The following ANKRD42 variants were observed in gnomAD, a reference collection of about 807,000 sequenced individuals.
ANKRD42 encodes ankyrin repeat domain-containing protein 42.
ANKRD42 carries 43 observed loss-of-function variants against 51.5 expected under a neutral mutation model. That is an observed-to-expected ratio of 0.83 (90% confidence interval 0.65 to 1.08). The LOEUF (loss-of-function observed/expected upper bound fraction) is 1.08. Among genes scored for constraint, ANKRD42 ranks in the 50% least tolerant of loss-of-function variants. ANKRD42 has a pLI of 0.00. For missense variants in ANKRD42, 608 were observed against 629.3 expected, an observed-to-expected ratio of 0.97 and a Z score of 0.36; for synonymous variants, 203 against 213.0, an observed-to-expected ratio of 0.95 and a Z score of 0.41.
chr11:83,214,800 A>G (rs1245215147), intron 5 of ANKRD42: 1 of 153,510 alleles, frequency 6.5e-6, no homozygotes, highest in Non-Finnish European at 1.4e-5. Flanking sequence ...CACCCTACTG[A>G]TCTGTCAAAC....
intron 9 of ANKRD42, among the ~76,000 whole-genome samples, chr11:83,243,049 C>G (rs1863440961): frequency 6.6e-6 from 1 of 152,116 alleles, no homozygotes; most frequent in African/African-American, 2.4e-5. Context: ...GAGAAATCGC[C>G]AAACTGCTTT....
chr11:83,242,544 G>A lies in ANKRD42; in HGVS notation c.1195+1610G>A, dbSNP rs145841197. Among the ~76,000 whole-genome samples the A allele has an allele frequency of 2.3e-3, 293 of 126,932 alleles. 4 individuals are homozygous for A. Among genetic ancestry groups the A allele is most frequent in the African/African-American group, 8.0e-3 (290 of 36,440 alleles). The allele number at this position is 126,932 out of a possible 152,430, so 83.3% of individuals were successfully genotyped here. ...CAAGGATGACAGATTTCTGGCCTGG[G>A]GAATTCGGTGAATGGTAGTTAAGTT... On this transcript the variant is annotated intron_variant, in intron 9 of 10. Transcript: ENST00000533342.
intron 7 of ANKRD42, among the ~76,000 whole-genome samples, chr11:83,235,125 T>A (rs1009131662): frequency 5.9e-5 from 9 of 152,238 alleles, no homozygotes; most frequent in Non-Finnish European, 1.3e-4. Flanking sequence ...TGGACCTTAC[T>A]GTTAAAGAGT....
chr11:83,225,591 A>G (rs1276069549), intron 6 of ANKRD42, among the ~76,000 whole-genome samples: 1 of 151,486 alleles, frequency 6.6e-6, no homozygotes, highest in East Asian at 1.9e-4. Context: ...AAAGATTAAC[A>G]TAATGAGCAG....
rs144679817 is a variant in ANKRD42, at chr11:83,247,510, C to T, written c.1323-433C>T. 2.4e-3 allele frequency among the ~76,000 whole-genome samples: 365 copies of T among 152,270 alleles called. 4 individuals carry two copies. Among genetic ancestry groups the T allele is most frequent in the African/African-American group, 8.6e-3 (359 of 41,548 alleles). On this transcript the variant is annotated intron_variant, in intron 10 of 10. Transcript: ENST00000533342. ...CTCTAATGTCTACAGGGTTATCTCT[C>T]TTATTTCCTTCAGGGCTTGGCTTAG...
chr11:83,253,659 A>G (rs989952050), downstream of ANKRD42, among the ~76,000 whole-genome samples: 3 of 152,168 alleles, frequency 2.0e-5, no homozygotes, highest in Non-Finnish European at 2.9e-5. Flanking sequence ...ATACAGTTCT[A>G]TTGAGTTTAG....
intron 3 of ANKRD42, chr11:83,209,282 T>A (rs963609113): frequency 1.5e-6 from 1 of 659,810 alleles, no homozygotes; most frequent in South Asian, 1.8e-5. Context: ...ATATTATAAG[T>A]GTCTTCTAGG....
intron 8 of ANKRD42, among the ~76,000 whole-genome samples, chr11:83,239,941 A>G (rs1468133059): frequency 6.6e-6 from 1 of 152,224 alleles, no homozygotes; most frequent in Non-Finnish European, 1.5e-5. Flanking sequence ...CGTAGACTTA[A>G]TGAATTCTAT....
intron 2 of ANKRD42, among the ~76,000 whole-genome samples, chr11:83,204,943 A>G (rs1862012461): frequency 1.3e-5 from 2 of 152,216 alleles, no homozygotes; most frequent in African/African-American, 4.8e-5. Flanking sequence ...GCAAATGCAA[A>G]TTAAGACCAC....
At chr11:83,201,297 G>A (rs1420625782) in intron 2 of ANKRD42, among the ~76,000 whole-genome samples, 1 of 152,148 alleles carries the variant, frequency 6.6e-6, no homozygotes, top group African/African-American at 2.4e-5. Context: ...GTGGTTTCCA[G>A]CTTCATCCAT....
chr11:83,211,351 T>C lies in ANKRD42; in HGVS notation c.507T>C (p.His169=), dbSNP rs1862308590. The C allele has an allele frequency of 1.9e-6, 3 of 1,614,086 alleles. No individual in the cohort carries two copies. Among genetic ancestry groups the C allele is most frequent in the African/African-American group, 1.3e-5 (1 of 74,928 alleles). ...EWRPVHYAAF[H]GRLGCLQLLV... ...GACCTGTGCATTATGCAGCTTTTCA[T>C]GGGCGGCTTGGCTGCTTGCAACTTC... The change falls in exon 5 of 11, where the codon CAT becomes CAC. Residue 169 remains histidine (H), a synonymous_variant. Transcript: ENST00000533342.
rs182157391 is a variant in ANKRD42 at position 83,239,541 on chromosome 11, C to A, written c.1020-1218C>A. ...TTAGTGTTAGCTTTTATATTGAGGT[C>A]TGTGATCATTTTGAGTTAATTTTTG... On this transcript the variant is annotated intron_variant, in intron 8 of 10. Coordinates refer to ENST00000533342, the MANE Select transcript of ANKRD42 (RefSeq NM_001300975.2). Among the ~76,000 whole-genome samples, 442 of 152,136 alleles carry A rather than the reference C, an allele frequency of 2.9e-3. 2 individuals are homozygous for A. The highest frequency in any genetic ancestry group is 4.9e-3 in the Non-Finnish European group (331 of 67,978).
At chr11:83,215,806 GT>G (rs1039823567) in intron 5 of ANKRD42, among the ~76,000 whole-genome samples, 6 of 151,596 alleles carry the variant, frequency 4.0e-5, no homozygotes, top group Admixed American at 1.3e-4. Context: ...TTGTTTGTTT[GT>G]TTTTTTCAGA....
intron 3 of ANKRD42, among the ~76,000 whole-genome samples, chr11:83,208,876 G>A (rs910876501): frequency 6.6e-6 from 1 of 152,118 alleles, no homozygotes; most frequent in African/African-American, 2.4e-5. Flanking sequence ...TAACTCCTGG[G>A]CTCGAGTGAT....
intron 7 of ANKRD42, among the ~76,000 whole-genome samples, chr11:83,229,349 T>C (rs1010043679): frequency 3.3e-5 from 5 of 152,202 alleles, no homozygotes; most frequent in African/African-American, 1.2e-4. Flanking sequence ...GTTAGGACTT[T>C]AACATATGAA....
intron 8 of ANKRD42, among the ~76,000 whole-genome samples, chr11:83,237,912 C>T (rs1294753412): frequency 6.6e-6 from 1 of 152,286 alleles, no homozygotes; most frequent in Non-Finnish European, 1.5e-5. Context: ...CCCAAGTAAA[C>T]GCTGATCTGC....
At chr11:83,221,236 T>C (rs1862709316) in intron 5 of ANKRD42, among the ~76,000 whole-genome samples, 1 of 152,226 alleles carries the variant, frequency 6.6e-6, no homozygotes, top group Non-Finnish European at 1.5e-5. Context: ...TGTTTGATTT[T>C]AAAAATTATT....
intron 2 of ANKRD42, among the ~76,000 whole-genome samples, chr11:83,202,744 T>G (rs1861919108): frequency 6.6e-6 from 1 of 152,172 alleles, no homozygotes; most frequent in Non-Finnish European, 1.5e-5. Context: ...TCTTATAAAT[T>G]TTAAAAAGTG....
chr11:83,256,673 C>T (rs780745492), downstream of ANKRD42, among the ~76,000 whole-genome samples: 5 of 152,178 alleles, frequency 3.3e-5, no homozygotes, highest in African/African-American at 4.8e-5. Flanking sequence ...TCCCTGGCAG[C>T]AGCCATCTCA....
Sources: gnomAD v4.1 joint callset for allele counts (sites outside exome capture counted in the v4.1 genomes callset) on GRCh38, gnomAD v4.1.1 for gene constraint, MANE v1.5 for transcripts, NCBI Gene and HGNC (gene_info 2026-07-23, HGNC 2026-07-21) for gene names.